The following ZNF462 variants were observed in gnomAD, a reference collection of about 807,000 sequenced individuals.
The protein encoded by ZNF462 is zinc finger protein 462, also known as zinc finger PBX1-interacting protein.
Under a neutral mutation model 201.9 loss-of-function variants are expected in ZNF462, and 10 were observed. That is an observed-to-expected ratio of 0.05 (90% CI 0.03 to 0.08). The LOEUF (loss-of-function observed/expected upper bound fraction) is 0.08, where lower values mean the gene tolerates loss of function less well. Among genes scored for constraint, ZNF462 ranks in the 10% least tolerant of loss-of-function variants. ZNF462 has a pLI of 1.00. For missense variants in ZNF462, 2,523 were observed against 3,168.3 expected, an observed-to-expected ratio of 0.80 and a Z score of 4.89; for synonymous variants, 1,227 against 1,193.3, an observed-to-expected ratio of 1.03 and a Z score of -0.58.
chr9:106,874,868 C>T (rs984220415), intron 1 of ZNF462, among the ~76,000 whole-genome samples: 2 of 152,156 alleles, frequency 1.3e-5, no homozygotes, highest in Non-Finnish European at 2.9e-5. Context: ...CTTTTCTGAC[C>T]AGTGGCTGTA....
At chr9:106,941,566 A>G in intron 7 of ZNF462, among the ~76,000 whole-genome samples, 1 of 152,248 alleles carries the variant, frequency 6.6e-6, no homozygotes, top group Admixed American at 6.5e-5. Flanking sequence ...TCTGTGTGGT[A>G]ACTATTTAGT....
chr9:106,928,186 G>C lies in ZNF462; in HGVS notation c.4274G>C (p.Gly1425Ala). Residue 1425 changes from glycine to alanine, a missense_variant, in exon 3 of 13, where the codon GGC becomes GCC. Physicochemically the swap from Gly to Ala is moderately conservative, Grantham distance 60. Transcript: ENST00000277225. This position sits in a 1 kb window ranked among gnomAD's most constrained non-coding sequence, Gnocchi z 9.3. ...ATTCTTTCATCCGAAGAGTTGGCAG[G>C]CCCTGTGAATTGTGAAAACAGTATA... ...KPILSSEELA[G>A]PVNCENSIPT... The C allele has an allele frequency of 6.2e-7, 1 of 1,614,076 alleles. No individual in the cohort carries two copies. Among genetic ancestry groups the C allele is most frequent in the Non-Finnish European group, 8.5e-7 (1 of 1,180,024 alleles).
rs1383663388 is a variant in ZNF462, at chr9:106,977,070, G to A, written c.6832+2797G>A. ...AGAGGAGGTCAGAGGGGAAGTCCAC[G>A]GATCCACAGGCAGCAGAGTGCCTCA... is the stretch of plus-strand genomic sequence containing the variant. On this transcript the variant is annotated intron_variant, in intron 9 of 12. Transcript: ENST00000277225. This position sits in a 1 kb window ranked among gnomAD's most constrained non-coding sequence, Gnocchi z 4.6. Among the ~76,000 whole-genome samples, 6 of 152,140 alleles carry A rather than the reference G, an allele frequency of 3.9e-5. No individual in the cohort carries two copies. Among genetic ancestry groups the A allele is most frequent in the Admixed American group, 2.0e-4 (3 of 15,278 alleles).
intron 1 of ZNF462, among the ~76,000 whole-genome samples, chr9:106,915,189 G>T (rs1047335689): frequency 6.6e-6 from 1 of 151,106 alleles, no homozygotes; most frequent in Admixed American, 6.6e-5. Context: ...GGCTGGATAG[G>T]CATTTCTGTA....
chr9:106,882,836 G>T (rs1828158674), intron 1 of ZNF462, among the ~76,000 whole-genome samples: 1 of 152,138 alleles, frequency 6.6e-6, no homozygotes, highest in Non-Finnish European at 1.5e-5. Flanking sequence ...ATGGATGGTG[G>T]CATGTATTTT....
rs766068766 is a variant in ZNF462 at position 106,932,511 on chromosome 9, C to T, written c.6078C>T (p.Ser2026=). The part of the protein sequence containing the change: ...LAMFTREDKY[S]CQYCSFVSAF... ...TGTTTACCCGCGAGGACAAGTACAG[C>T]TGCCAGTATTGCTCGTTTGTTTCTG... The change falls in exon 5 of 13, where the codon AGC becomes AGT. Residue 2026 remains serine, a synonymous_variant. Coordinates refer to ENST00000277225, the MANE Select transcript of ZNF462 (RefSeq NM_021224.6). The surrounding 1 kb of genome is among the most constrained non-coding windows in gnomAD (Gnocchi z 6.8). 2 of 1,614,236 alleles carry T rather than the reference C, an allele frequency of 1.2e-6. No homozygotes were observed. Among genetic ancestry groups the T allele is most frequent in the South Asian group, 2.2e-5 (2 of 91,084 alleles).
chr9:106,918,224 T>C (rs1056604604), intron 1 of ZNF462, among the ~76,000 whole-genome samples: 9 of 152,160 alleles, frequency 5.9e-5, no homozygotes, highest in African/African-American at 2.2e-4. Flanking sequence ...CCGATGTCAT[T>C]TGTATTTATT....
chr9:106,929,326 G>A lies in ZNF462; in HGVS notation c.5414G>A (p.Gly1805Asp). ...PKKQHASKLGGYFTAVYADEH... is the reference protein window; with the variant it reads ...PKKQHASKLGDYFTAVYADEH... ...AAGCAGCACGCCAGCAAGTTGGGGG[G>A]CTACTTCACGGCCGTCTATGCAGAT... The change falls in exon 3 of 13, where the codon GGC becomes GAC. Residue 1805 changes from glycine to aspartate, a missense_variant. Coordinates refer to ENST00000277225, the MANE Select transcript of ZNF462 (RefSeq NM_021224.6). The surrounding 1 kb of genome is among the most constrained non-coding windows in gnomAD (Gnocchi z 8.7). 1.2e-6 allele frequency: 2 copies of A among 1,614,152 alleles called. No homozygotes were observed. The highest frequency in any genetic ancestry group is 1.1e-5 in the South Asian group (1 of 91,076).
intron 1 of ZNF462, among the ~76,000 whole-genome samples, chr9:106,866,195 A>T (rs1282900737): frequency 6.6e-6 from 1 of 152,244 alleles, no homozygotes; most frequent in African/African-American, 2.4e-5. Flanking sequence ...CACATTGGTG[A>T]GCAACTTACA....
intron 9 of ZNF462, among the ~76,000 whole-genome samples, chr9:106,980,288 C>T (rs568303047): frequency 6.6e-6 from 1 of 152,294 alleles, no homozygotes; most frequent in African/African-American, 2.4e-5. Flanking sequence ...ATAGCTTTCT[C>T]TAATACTCAG....
In ZNF462 at chr9:106,925,707, C is replaced by T. The variant is rs756509383; in HGVS notation, c.1795C>T (p.Pro599Ser). Reference sequence around the variant, plus strand: ...ACCCACACAAGCCGCACCTCTGCACCCATACAAATGCACCATGTGTAATTA... The same window carrying T: ...ACCCACACAAGCCGCACCTCTGCACTCATACAAATGCACCATGTGTAATTA... ...QPPTQAAPLH[P>S]YKCTMCNYST... is the part of the protein sequence containing the mutation. Residue 599 changes from proline to serine, a missense_variant, in exon 3 of 13, where the codon CCA (proline) becomes TCA (serine). By Grantham distance (74) the Pro-to-Ser change is moderately conservative (BLOSUM62 -1). This residue lies in a region of ZNF462 where 383 missense variants were observed against 453.4 expected (regional missense o/e 0.84). Transcript: ENST00000277225. This position sits in a 1 kb window ranked among gnomAD's most constrained non-coding sequence, Gnocchi z 7.9. The T allele has an allele frequency of 6.2e-7, 1 of 1,614,164 alleles. No individual in the cohort carries two copies. The highest frequency in any genetic ancestry group is 8.5e-7 in the Non-Finnish European group (1 of 1,180,036).
rs1275221452 is a variant in ZNF462, at chr9:106,912,804, T to C, written c.-30-10550T>C. 1.3e-5 allele frequency among the ~76,000 whole-genome samples: 2 copies of C among 152,192 alleles called. 1 individual carries two copies. The highest frequency in any genetic ancestry group is 1.3e-4 in the Admixed American group (2 of 15,274). ...GGTTAACTTTTAGAGTAGAGTCTTC[T>C]CTTTGACTTAAGGAAGGCACAAATA... On this transcript the variant is annotated intron_variant, in intron 1 of 12. Transcript: ENST00000277225.
intron 1 of ZNF462, among the ~76,000 whole-genome samples, chr9:106,869,646 G>A (rs1827502691): frequency 6.6e-6 from 1 of 152,204 alleles, no homozygotes; most frequent in African/African-American, 2.4e-5. Flanking sequence ...TTGAACCTCA[G>A]TGTGGCACTC....
In ZNF462 at chr9:106,929,788, C is replaced by G; in HGVS notation, c.5847+29C>G. On this transcript the variant is annotated intron_variant, in intron 3 of 12. Coordinates refer to ENST00000277225, the MANE Select transcript of ZNF462 (RefSeq NM_021224.6). The surrounding 1 kb of genome is among the most constrained non-coding windows in gnomAD (Gnocchi z 8.7). ...AGGATATGTTTTGATTTCCCTTCCC[C>G]CAGGAGGCCTCTCATCACTGGTGCC... The G allele has an allele frequency of 6.4e-7, 1 of 1,574,198 alleles. No individual in the cohort carries two copies. Among genetic ancestry groups the G allele is most frequent in the Non-Finnish European group, 8.6e-7 (1 of 1,158,048 alleles).
intron 1 of ZNF462, among the ~76,000 whole-genome samples, chr9:106,871,737 C>T (rs1827601416): frequency 6.6e-6 from 1 of 152,108 alleles, no homozygotes; most frequent in Admixed American, 6.5e-5. Flanking sequence ...CTCAAGGGAA[C>T]TGGTTAAGTA....
intron 1 of ZNF462, among the ~76,000 whole-genome samples, chr9:106,918,374 T>C (rs1380096189): frequency 6.6e-6 from 1 of 152,248 alleles, no homozygotes; most frequent in African/African-American, 2.4e-5. Flanking sequence ...TGTGTTTGTG[T>C]ATAGATATAT....
At position 106,933,846 on chromosome 9, in the gene ZNF462, G is replaced by A. The variant is rs1032682378; in HGVS notation, c.6116+1297G>A. ...GTTTGGAAAGGACATATGATGTAGA[G>A]GAAAAGCTGAGGGAGGAGACCATGA... On this transcript the variant is annotated intron_variant, in intron 5 of 12. Coordinates refer to ENST00000277225, the MANE Select transcript of ZNF462 (RefSeq NM_021224.6). This position sits in a 1 kb window ranked among gnomAD's most constrained non-coding sequence, Gnocchi z 4.3. Among the ~76,000 whole-genome samples the A allele has an allele frequency of 1.3e-5, 2 of 152,138 alleles. No homozygotes were observed. Among genetic ancestry groups the A allele is most frequent in the African/African-American group, 2.4e-5 (1 of 41,422 alleles).
Position 106,930,744 on chromosome 9 carries a change from T to C in ZNF462, c.6012+55T>C. On this transcript the variant is annotated intron_variant, in intron 4 of 12. Coordinates refer to ENST00000277225, the MANE Select transcript of ZNF462 (RefSeq NM_021224.6). The surrounding 1 kb of genome is among the most constrained non-coding windows in gnomAD (Gnocchi z 5.8). Reference sequence around the variant, plus strand: ...GTGTGTGAGCGATTCGAGTTACTTATTAACCCCATTGCCTAAAGCAGCTCA... The same window carrying C: ...GTGTGTGAGCGATTCGAGTTACTTACTAACCCCATTGCCTAAAGCAGCTCA... 8 of 1,598,224 alleles carry C rather than the reference T, an allele frequency of 5.0e-6. No homozygotes were observed. The highest frequency in any genetic ancestry group is 6.0e-6 in the Non-Finnish European group (7 of 1,169,550).
chr9:107,000,395 G>A (rs969775120), intron 10 of ZNF462, among the ~76,000 whole-genome samples: 12 of 152,034 alleles, frequency 7.9e-5, no homozygotes, highest in Admixed American at 2.0e-4. Context: ...ACAAGAGTAG[G>A]TGCTAGGAGA....
Sources: allele counts gnomAD v4.1 joint callset (sites outside exome capture counted in the v4.1 genomes callset), GRCh38; gene constraint gnomAD v4.1.1; regional missense constraint gnomAD v4.1.1; non-coding constraint Gnocchi (gnomAD v3.1); transcripts MANE v1.5; gene names NCBI Gene and HGNC (gene_info 2026-07-23, HGNC 2026-07-21).